Variants in ZFP62 observed in about 807,000 individuals in gnomAD.
ZFP62 encodes the protein ZFP62 zinc finger protein, also known as zinc finger protein 62 homolog.
Under a neutral mutation model 56.4 loss-of-function variants are expected in ZFP62, and 44 were observed. The ratio of observed to expected loss-of-function variants is 0.78; its 90% CI spans 0.61 to 1.00. ZFP62 has a LOEUF of 1.00. ZFP62 is among the 50% of genes least tolerant of loss of function. ZFP62 has a pLI of 0.00. For synonymous variants in ZFP62, 421 were observed against 388.9 expected, an observed-to-expected ratio of 1.08 and a Z score of -0.97; for missense variants, 1,030 against 1,085.7, an observed-to-expected ratio of 0.95 and a Z score of 0.72.
downstream of ZFP62, chr5:180,847,575 G>A: frequency 1.0e-6 from 1 of 985,094 alleles, no homozygotes; most frequent in Non-Finnish European, 1.2e-6. Context: ...GCACACAAAT[G>A]GCTCTTGGGT....
chr5:180,838,873 G>A, the ZFP62 span, among the ~76,000 whole-genome samples: 1 of 152,184 alleles, frequency 6.6e-6, no homozygotes, highest in African/African-American at 2.4e-5. Context: ...TTTCCAGTAT[G>A]TAGCAAAAAT....
Position 180,848,503 on chromosome 5 carries a change from T to C in ZFP62, c.*289A>G. The C allele has an allele frequency of 1.2e-5, 13 of 1,123,478 alleles. No homozygotes were observed. Among genetic ancestry groups the C allele is most frequent in the Non-Finnish European group, 1.4e-5 (13 of 917,778 alleles). 69.6% of individuals were successfully genotyped at this position (1,123,478 alleles called of 1,614,324 possible). On this transcript the variant is annotated 3_prime_UTR_variant, in exon 2 of 2. Coordinates refer to ENST00000502412, the MANE Select transcript of ZFP62 (RefSeq NM_001172638.2). ...AAGCCCTTTCCTCATCTGTGTTTTA[T>C]GTCCAGAAATGTCTACTGATTTTGA... is the stretch of plus-strand genomic sequence containing the variant.
downstream of ZFP62, among the ~76,000 whole-genome samples, chr5:180,843,833 A>G (rs1257084900): frequency 6.6e-6 from 1 of 152,260 alleles, no homozygotes; most frequent in East Asian, 1.9e-4. Flanking sequence ...AAGTGCCCAC[A>G]AATCTTCACT....
the ZFP62 span, chr5:180,835,865 G>A: frequency 5.3e-5 from 8 of 152,180 alleles, no homozygotes; most frequent in Non-Finnish European, 7.3e-5. Flanking sequence ...TTTGGCTCTT[G>A]CAGCCTGTAT....
At chr5:180,854,415 G>C (rs1222322929) in intron 1 of ZFP62, among the ~76,000 whole-genome samples, 1 of 152,206 alleles carries the variant, frequency 6.6e-6, no homozygotes, top group African/African-American at 2.4e-5. Flanking sequence ...AGTGCTGGTT[G>C]ATAAATGTAG....
chr5:180,841,348 T>C, the ZFP62 span, among the ~76,000 whole-genome samples: 2 of 151,544 alleles, frequency 1.3e-5, no homozygotes, highest in Admixed American at 1.3e-4. Flanking sequence ...TACTTTTTAC[T>C]AAGGCTAGGA....
At chr5:180,838,235 A>C in the ZFP62 span, among the ~76,000 whole-genome samples, 1 of 152,066 alleles carries the variant, frequency 6.6e-6, no homozygotes, top group East Asian at 1.9e-4. Flanking sequence ...GGAGGGAGTC[A>C]AGGAGGCCCA....
At chr5:180,844,024 T>C (rs1392288338), downstream of ZFP62, among the ~76,000 whole-genome samples, 1 of 152,252 alleles carries the variant, frequency 6.6e-6, no homozygotes, top group African/African-American at 2.4e-5. Context: ...CCAATTTTCA[T>C]TCCTGACTTT....
chr5:180,859,109 G>C (rs543422680), intron 1 of ZFP62, among the ~76,000 whole-genome samples: 3 of 152,252 alleles, frequency 2.0e-5, no homozygotes, highest in Admixed American at 6.5e-5. Flanking sequence ...CAACTCGTTA[G>C]AGAGGAGCCG....
the ZFP62 span, among the ~76,000 whole-genome samples, chr5:180,841,461 A>C: frequency 6.6e-6 from 1 of 152,096 alleles, no homozygotes; most frequent in East Asian, 1.9e-4. Flanking sequence ...CTTTTACTGA[A>C]AGTTAACAAA....
chr5:180,834,081 AG>A, the ZFP62 span, among the ~76,000 whole-genome samples: 1 of 152,184 alleles, frequency 6.6e-6, no homozygotes, highest in African/African-American at 2.4e-5. Context: ...TGATGGTAAC[AG>A]GAAGTGGGAA....
rs1472299033 is a variant in ZFP62, at chr5:180,849,828, G to C, written c.1667C>G (p.Thr556Ser). The change falls in exon 2 of 2, where the codon ACT (threonine) becomes AGT (serine). Residue 556 changes from threonine (T) to serine (S), a missense_variant. Coordinates refer to ENST00000502412, the MANE Select transcript of ZFP62 (RefSeq NM_001172638.2). ...TTCACATTTGTAAGGTCGTTCCCCA[G>C]TGTGGATTCGTTTATGTACTTTAAG... ...SGLKVHKRIHTGERPYKCEEC... is the reference protein window; with the variant it reads ...SGLKVHKRIHSGERPYKCEEC... 6.4e-7 allele frequency: 1 copy of C among 1,551,806 alleles called. No individual in the cohort carries two copies. The highest frequency in any genetic ancestry group is 2.4e-5 in the East Asian group (1 of 40,940).
Position 180,861,252 on chromosome 5 carries a change from A to G in ZFP62, c.-33T>C. 1 of 397,712 alleles carries G rather than the reference A, an allele frequency of 2.5e-6. No homozygotes were observed. Among genetic ancestry groups the G allele is most frequent in the Non-Finnish European group, 4.4e-6 (1 of 225,428 alleles). The allele number at this position is 397,712 out of a possible 1,614,324, so 24.6% of individuals were successfully genotyped here. A position where few individuals can be genotyped will look rare whatever the true frequency, so the allele number is the denominator to read the frequency against. On this transcript the variant is annotated 5_prime_UTR_variant, in exon 1 of 2. Transcript: ENST00000502412. ...GCGGCGCCGCGGGAACCCGGCCGCCAGCGGGACAAAAGCGCGGACCGCACG... is the reference window on the plus strand; with the variant it reads ...GCGGCGCCGCGGGAACCCGGCCGCCGGCGGGACAAAAGCGCGGACCGCACG...
the ZFP62 span, among the ~76,000 whole-genome samples, chr5:180,826,915 C>G: frequency 6.6e-6 from 1 of 152,166 alleles, no homozygotes; most frequent in Non-Finnish European, 1.5e-5. Context: ...GTTGAGAAAG[C>G]TTTAAAACAG....
rs1773511780 is a variant in ZFP62, at chr5:180,848,741, ATAAGG to A, written c.*46_*50del. Reference sequence around the variant, plus strand: ...CATGACCCCCTACATTCTTACATTCATAAGGTATTTCTTCCATTTGAGTTCGGAGA... The same window carrying A: ...CATGACCCCCTACATTCTTACATTCATATTTCTTCCATTTGAGTTCGGAGA... On this transcript the variant is annotated 3_prime_UTR_variant, in exon 2 of 2. Transcript: ENST00000502412. 6.8e-7 allele frequency: 1 copy of A among 1,461,098 alleles called. No individual in the cohort carries two copies. The highest frequency in any genetic ancestry group is 1.4e-5 in the African/African-American group (1 of 70,024). 90.5% of individuals were successfully genotyped at this position (1,461,098 alleles called of 1,614,324 possible). A position where few individuals can be genotyped will look rare whatever the true frequency, so the allele number is the denominator to read the frequency against.
downstream of ZFP62, among the ~76,000 whole-genome samples, chr5:180,845,337 A>T (rs1189822464): frequency 1.5e-5 from 1 of 68,654 alleles, no homozygotes; most frequent in Non-Finnish European, 4.1e-5. Context: ...AAAAAAAAAA[A>T]AAAAAAAAAA....
At chr5:180,839,727 A>G in the ZFP62 span, among the ~76,000 whole-genome samples, 1 of 152,320 alleles carries the variant, frequency 6.6e-6, no homozygotes, top group African/African-American at 2.4e-5. Context: ...GTTTACCTAC[A>G]TAACAAACCT....
intron 1 of ZFP62, among the ~76,000 whole-genome samples, chr5:180,856,952 C>CAAAAAAAAAA (rs758729037): frequency 3.1e-5 from 2 of 63,678 alleles, no homozygotes; most frequent in Non-Finnish European, 2.7e-5. Flanking sequence ...GACTATGTCT[C>CAAAAAAAAAA]AAAAAAAAAA....
In ZFP62 at chr5:180,850,677, CT is replaced by C; in HGVS notation, c.817del (p.Arg273GlyfsTer109). 6.3e-7 allele frequency: 1 copy of C among 1,595,376 alleles called. No individual in the cohort carries two copies. Among genetic ancestry groups the C allele is most frequent in the Admixed American group, 1.8e-5 (1 of 56,554 alleles). On this transcript the variant is annotated frameshift_variant, in exon 2 of 2. Coordinates refer to ENST00000502412, the MANE Select transcript of ZFP62 (RefSeq NM_001172638.2). LOFTEE classifies it high-confidence loss of function. ...RNSSGLRVHK[R>X]IHTGEKPYEC... ...ATAGGGCTTCTCCCCCGTGTGGATC[CT>C]TTTGTGGACTCTGAGCCCAGAGCTG...
Sources: allele counts gnomAD v4.1 joint callset (sites outside exome capture counted in the v4.1 genomes callset), GRCh38; gene constraint gnomAD v4.1.1; transcripts MANE v1.5; gene names NCBI Gene and HGNC (gene_info 2026-07-23, HGNC 2026-07-21).